The following PALLD variants were observed in gnomAD, a reference collection of about 807,000 sequenced individuals.
The protein encoded by PALLD is palladin, cytoskeletal associated protein.
Under a neutral mutation model 123.5 loss-of-function variants are expected in PALLD, and 61 were observed. The observed-to-expected ratio is 0.49, with a 90% confidence interval of 0.40 to 0.61. The LOEUF (loss-of-function observed/expected upper bound fraction) is 0.61, where lower values mean the gene tolerates loss of function less well. Among genes scored for constraint, PALLD ranks in the 20% least tolerant of loss-of-function variants. PALLD has a pLI of 0.00. For missense variants in PALLD, 1,273 were observed against 1,377.0 expected (o/e 0.92, Z 1.20); for synonymous variants, 465 against 496.4 (o/e 0.94, Z 0.84).
At chr4:168,683,779 G>A (rs11730288) in intron 5 of PALLD, among the ~76,000 whole-genome samples, 1 of 151,978 alleles carries the variant, frequency 6.6e-6, no homozygotes, top group Non-Finnish European at 1.5e-5. Context: ...CCCACAGTCT[G>A]GAAATGTAAA....
chr4:168,592,967 T>A (rs976415381), intron 2 of PALLD, among the ~76,000 whole-genome samples: 1 of 152,060 alleles, frequency 6.6e-6, no homozygotes, highest in African/African-American at 2.4e-5. Context: ...ATTAAGGCTT[T>A]GCTCCTGAGA....
intron 20 of PALLD, 52 bp from the exon 21 acceptor site, chr4:168,925,181 G>A: frequency 3.2e-6 from 5 of 1,583,028 alleles, no homozygotes; most frequent in Non-Finnish European, 4.3e-6. Context: ...CAACTATTGT[G>A]TTTTATTTGT....
chr4:168,582,069 T>C (rs901687133), intron 2 of PALLD, among the ~76,000 whole-genome samples: 5 of 152,112 alleles, frequency 3.3e-5, no homozygotes, highest in African/African-American at 1.2e-4. Context: ...TGTCCATATA[T>C]GTATGGGTTT....
chr4:168,732,169 T>G (rs902120857), intron 10 of PALLD, among the ~76,000 whole-genome samples: 11 of 152,234 alleles, frequency 7.2e-5, no homozygotes, highest in Non-Finnish European at 1.0e-4. Flanking sequence ...CCTACCACTT[T>G]CATCCGAGTT....
At chr4:168,896,208 C>CAAA (rs35567491) in intron 12 of PALLD, among the ~76,000 whole-genome samples, 13 of 132,168 alleles carry the variant, frequency 9.8e-5, no homozygotes, top group East Asian at 2.2e-4. Flanking sequence ...GACTCCATCT[C>CAAA]AAAAAAAAAA....
At chr4:168,669,592 C>T (rs181930378) in intron 3 of PALLD, among the ~76,000 whole-genome samples, 2 of 151,836 alleles carry the variant, frequency 1.3e-5, no homozygotes, top group African/African-American at 2.4e-5. Flanking sequence ...AAGCAAGACC[C>T]CATCTCTTAA....
chr4:168,878,940 A>C (rs1009832492), intron 10 of PALLD, among the ~76,000 whole-genome samples: 4 of 152,224 alleles, frequency 2.6e-5, no homozygotes, highest in African/African-American at 9.6e-5. Flanking sequence ...TTTGGTTATT[A>C]AGTATATACT....
At chr4:168,514,127 A>G (rs900203597) in intron 2 of PALLD, among the ~76,000 whole-genome samples, 1 of 152,140 alleles carries the variant, frequency 6.6e-6, no homozygotes, top group Non-Finnish European at 1.5e-5. Flanking sequence ...AGAAAAAAAA[A>G]AAGTTAACTG....
At chr4:168,767,036 C>A (rs1466350435) in intron 10 of PALLD, among the ~76,000 whole-genome samples, 1 of 152,186 alleles carries the variant, frequency 6.6e-6, no homozygotes, top group Non-Finnish European at 1.5e-5. Context: ...CTTCCTCCTC[C>A]TGACAGTCCT....
intron 10 of PALLD, among the ~76,000 whole-genome samples, chr4:168,817,635 CT>C (rs926063152): frequency 6.6e-6 from 1 of 152,244 alleles, no homozygotes; most frequent in African/African-American, 2.4e-5. Context: ...TATTTTGATA[CT>C]TTTTTTGCAG....
chr4:168,683,855 A>G (rs1171374061), intron 5 of PALLD, among the ~76,000 whole-genome samples: 1 of 152,074 alleles, frequency 6.6e-6, no homozygotes, highest in Non-Finnish European at 1.5e-5. Flanking sequence ...TTTATTACCT[A>G]TTGAATGCTC....
Position 168,511,951 on chromosome 4 carries a change from C to A in PALLD, c.447C>A (p.Ser149Arg). 6.2e-7 allele frequency: 1 copy of A among 1,614,202 alleles called. No homozygotes were observed. The highest frequency in any genetic ancestry group is 1.1e-5 in the South Asian group (1 of 91,086). Residue 149 changes from serine (S) to arginine (R), a missense_variant, in exon 2 of 22, where the codon AGC becomes AGA. Transcript: ENST00000505667. ...AAAAGCGTGGTGCAAAAACTCCCAG[C>A]ACAAACGTAAAGCCCAAAACGCCAC... ...KAEKRGAKTP[S>R]TNVKPKTPHQ...
At chr4:168,921,777 AT>A (rs1761554767) in intron 18 of PALLD, 36 bp downstream of exon 18, 13 of 1,471,984 alleles carry the variant, frequency 8.8e-6, no homozygotes, top group Non-Finnish European at 1.1e-5. Context: ...CTCTGACAGA[AT>A]GAACATCAGA....
At chr4:168,733,777 T>A (rs9312358) in intron 10 of PALLD, among the ~76,000 whole-genome samples, 22,880 of 152,136 alleles carry the variant, frequency 0.15, 2,153 homozygotes, top group East Asian at 0.37. Flanking sequence ...TCTTTTGCCC[T>A]GGCCGGACTG....
intron 8 of PALLD, among the ~76,000 whole-genome samples, chr4:168,693,046 G>A (rs1326388199): frequency 1.3e-5 from 2 of 152,174 alleles, no homozygotes; most frequent in African/African-American, 2.4e-5. Flanking sequence ...CATCTCCCCC[G>A]CACCCTGCGT....
intron 8 of PALLD, among the ~76,000 whole-genome samples, chr4:168,701,160 G>C (rs1328819444): frequency 6.6e-6 from 1 of 152,242 alleles, no homozygotes; most frequent in Non-Finnish European, 1.5e-5. Flanking sequence ...CTCTGAGAAA[G>C]TAATGTTTGT....
chr4:168,812,216 T>C (rs563695945), intron 10 of PALLD, among the ~76,000 whole-genome samples: 1 of 152,314 alleles, frequency 6.6e-6, no homozygotes, highest in South Asian at 2.1e-4. Flanking sequence ...TAACCACAAA[T>C]TGTGGCCTGG....
chr4:168,655,104 A>G (rs1778427931), intron 2 of PALLD, among the ~76,000 whole-genome samples: 1 of 152,164 alleles, frequency 6.6e-6, no homozygotes, highest in Non-Finnish European at 1.5e-5. Context: ...TAAGAATATA[A>G]TTCCTTCTAC....
At chr4:168,698,564 C>T (rs924104606) in intron 8 of PALLD, among the ~76,000 whole-genome samples, 8 of 151,976 alleles carry the variant, frequency 5.3e-5, no homozygotes, top group African/African-American at 1.7e-4. Flanking sequence ...ATACCATCTC[C>T]AGCAACAACT....
Sources: allele counts gnomAD v4.1 joint callset (sites outside exome capture counted in the v4.1 genomes callset), GRCh38; gene constraint gnomAD v4.1.1; transcripts MANE v1.5; gene names NCBI Gene and HGNC (gene_info 2026-07-23, HGNC 2026-07-21).